Variants in RHPN2 observed in about 807,000 individuals in gnomAD.
The protein encoded by RHPN2 is rhophilin Rho GTPase binding protein 2.
Under a neutral mutation model 79.0 loss-of-function variants are expected in RHPN2, and 40 were observed. The observed-to-expected ratio is 0.51, with a 90% CI of 0.39 to 0.66. The LOEUF is 0.66. Ranked by LOEUF, RHPN2 falls within the 30% of genes least tolerant of loss-of-function variation. The pLI is 0.00. For synonymous variants in RHPN2, 285 were observed against 363.5 expected (o/e 0.78, Z 2.46); for missense variants, 686 against 883.5 (o/e 0.78, Z 2.83).
chr19:32,980,005 A>G lies in RHPN2; in HGVS notation c.2052T>C (p.Ser684=). ...SPFSLLNSDS[S]WY is the part of the protein sequence containing the mutation. Reference sequence around the variant, plus strand: ...TGTTTGTTTCCTCACATTAGTACCAAGAACTGTCTGAGTTGAGAAGGCTGA... The same window carrying G: ...TGTTTGTTTCCTCACATTAGTACCAGGAACTGTCTGAGTTGAGAAGGCTGA... Residue 684 remains serine (S), a synonymous_variant, in exon 15 of 15, where the codon TCT becomes TCC. Transcript: ENST00000254260. 6.2e-7 allele frequency: 1 copy of G among 1,613,964 alleles called. No homozygotes were observed. The highest frequency in any genetic ancestry group is 8.5e-7 in the Non-Finnish European group (1 of 1,179,860).
chr19:33,028,989 A>C (rs2145251803), intron 2 of RHPN2, among the ~76,000 whole-genome samples: 1 of 152,096 alleles, frequency 6.6e-6, no homozygotes, highest in East Asian at 1.9e-4. Context: ...AAATACAAAA[A>C]ATTAGCTGGG....
intron 13 of RHPN2, 124 bp downstream of exon 13, chr19:32,991,699 T>C (rs1971661008): frequency 9.1e-7 from 1 of 1,099,688 alleles, no homozygotes; most frequent in African/African-American, 1.6e-5. Context: ...CCTTTTCTTT[T>C]AGGGAATGTA....
chr19:32,994,942 GA>G (rs765941993), intron 11 of RHPN2, among the ~76,000 whole-genome samples: 3 of 152,068 alleles, frequency 2.0e-5, no homozygotes, highest in Non-Finnish European at 2.9e-5. Flanking sequence ...AGACAAGAGC[GA>G]AATGACCTCT....
intron 2 of RHPN2, among the ~76,000 whole-genome samples, chr19:33,033,684 C>A (rs907770919): frequency 2.0e-5 from 3 of 151,926 alleles, no homozygotes; most frequent in Non-Finnish European, 4.4e-5. Flanking sequence ...GCCTGACCAA[C>A]GTGGAGAAAT....
chr19:33,009,184 T>TTTG (rs1462230537), intron 6 of RHPN2, among the ~76,000 whole-genome samples: 1 of 152,086 alleles, frequency 6.6e-6, no homozygotes, highest in African/African-American at 2.4e-5. Flanking sequence ...GGTGGATCAC[T>TTTG]GTCATTCTAT....
intron 10 of RHPN2, among the ~76,000 whole-genome samples, chr19:32,997,858 G>A (rs1408395297): frequency 1.3e-5 from 2 of 152,302 alleles, no homozygotes; most frequent in South Asian, 2.1e-4. Flanking sequence ...CAGCAGGTGC[G>A]AGGGCCCTGG....
chr19:33,063,462 C>G (rs1264189305), intron 1 of RHPN2, among the ~76,000 whole-genome samples: 1 of 152,116 alleles, frequency 6.6e-6, no homozygotes, highest in Non-Finnish European at 1.5e-5. Flanking sequence ...AGAATTGATT[C>G]GTTTATGGGA....
chr19:33,064,621 C>T (rs1972311255), intron 1 of RHPN2, among the ~76,000 whole-genome samples, 163 bp downstream of exon 1: 1 of 152,050 alleles, frequency 6.6e-6, no homozygotes, highest in Non-Finnish European at 1.5e-5. Flanking sequence ...GCCGCCCCCA[C>T]TCCTCCCCGC....
At chr19:32,996,732 T>G (rs1213963326) in intron 10 of RHPN2, among the ~76,000 whole-genome samples, 1 of 151,972 alleles carries the variant, frequency 6.6e-6, no homozygotes, top group Non-Finnish European at 1.5e-5. Context: ...GACCATAGTA[T>G]AAAAGAAAAT....
chr19:33,053,178 G>A (rs1175042235), intron 1 of RHPN2, among the ~76,000 whole-genome samples: 2 of 151,726 alleles, frequency 1.3e-5, no homozygotes, highest in Middle Eastern at 6.8e-3. Flanking sequence ...TAGTAGAGAC[G>A]AGGTTTCACC....
chr19:32,983,180 C>CAG (rs1385372666), intron 14 of RHPN2, among the ~76,000 whole-genome samples: 1 of 147,724 alleles, frequency 6.8e-6, no homozygotes, highest in Non-Finnish European at 1.5e-5. Flanking sequence ...CACACACACA[C>CAG]ACACACACTC....
intron 1 of RHPN2, among the ~76,000 whole-genome samples, chr19:33,061,145 C>A (rs1189374409): frequency 6.6e-5 from 10 of 152,092 alleles, no homozygotes. Flanking sequence ...AAAGCACTCA[C>A]AAGTCCACAG....
At chr19:32,983,094 A>ACACACACACT (rs1164579516) in intron 14 of RHPN2, among the ~76,000 whole-genome samples, 6 of 132,644 alleles carry the variant, frequency 4.5e-5, no homozygotes, top group Admixed American at 1.6e-4. Flanking sequence ...ACACACACAC[A>ACACACACACT]CTCCTGCAAT....
intron 11 of RHPN2, among the ~76,000 whole-genome samples, chr19:32,994,986 G>A (rs1401738067): frequency 6.6e-6 from 1 of 152,072 alleles, no homozygotes; most frequent in Admixed American, 6.6e-5. Flanking sequence ...AAAACCTATT[G>A]AGAAGTCATC....
intron 1 of RHPN2, among the ~76,000 whole-genome samples, chr19:33,046,486 C>G (rs1972143917): frequency 6.6e-6 from 1 of 152,008 alleles, no homozygotes. Flanking sequence ...AGGGTGATCT[C>G]AAACTCCTGA....
intron 3 of RHPN2, among the ~76,000 whole-genome samples, chr19:33,025,057 T>C (rs923489756): frequency 6.6e-6 from 1 of 152,068 alleles, no homozygotes; most frequent in African/African-American, 2.4e-5. Flanking sequence ...ATTTCTTTCA[T>C]AGTTAGATCT....
rs567090384 is a variant in RHPN2 at position 33,064,870 on chromosome 19, G to C, written c.-18C>G. 2 of 1,499,138 alleles carry C rather than the reference G, an allele frequency of 1.3e-6. No individual in the cohort carries two copies. Among genetic ancestry groups the C allele is most frequent in the African/African-American group, 1.5e-5 (1 of 68,594 alleles). 92.9% of individuals were successfully genotyped at this position (1,499,138 alleles called of 1,614,324 possible). On this transcript the variant is annotated 5_prime_UTR_variant, in exon 1 of 15. Transcript: ENST00000254260. ...TCGGTCATGCTAGCGGCGCGGGCGC[G>C]GAGGGCGGACGGCGGACTGAGGCGC...
chr19:33,026,068 T>G (rs1249821600), intron 3 of RHPN2, among the ~76,000 whole-genome samples: 2 of 148,496 alleles, frequency 1.3e-5, no homozygotes, highest in Non-Finnish European at 3.0e-5. Context: ...CTCGGCTCAC[T>G]GAAACGTCCA....
In RHPN2 at chr19:32,996,186, G is replaced by C; in HGVS notation, c.1260C>G (p.His420Gln). The C allele has an allele frequency of 1.9e-6, 3 of 1,614,148 alleles. No individual in the cohort carries two copies. Among genetic ancestry groups the C allele is most frequent in the Non-Finnish European group, 2.5e-6 (3 of 1,180,042 alleles). ...KSHLRRAMAH[H>Q]EESVREASLC... is the part of the protein sequence containing the mutation. ...GGCTGGCCTCCCGCACCGACTCCTC[G>C]TGATGAGCCATGGCTCTGCGCAAGT... Residue 420 changes from histidine (H) to glutamine (Q), a missense_variant, in exon 11 of 15, where the codon CAC becomes CAG. By Grantham distance (24) the His-to-Gln change is conservative. Transcript: ENST00000254260.
Sources: gnomAD v4.1 joint callset for allele counts (sites outside exome capture counted in the v4.1 genomes callset) on GRCh38, gnomAD v4.1.1 for gene constraint, MANE v1.5 for transcripts, NCBI Gene and HGNC (gene_info 2026-07-23, HGNC 2026-07-21) for gene names.